Variants in MAP4K1 observed in about 807,000 individuals in gnomAD.
MAP4K1 encodes mitogen-activated protein kinase kinase kinase kinase 1, also known as MAPK/ERK kinase kinase kinase 1.
In MAP4K1, 35 loss-of-function variants were observed where a neutral mutation model predicts 122.8. The ratio of observed to expected loss-of-function variants is 0.29; its 90% CI spans 0.22 to 0.38. MAP4K1 has a LOEUF of 0.38. Ranked by LOEUF, MAP4K1 falls within the 10% of genes least tolerant of loss-of-function variation. The pLI is 1.00. For missense variants in MAP4K1, 791 were observed against 1,072.6 expected (o/e 0.74, Z 3.67); for synonymous variants, 412 against 421.3 (o/e 0.98, Z 0.27).
At position 38,597,186 on chromosome 19, in the gene MAP4K1, C is replaced by G; in HGVS notation, c.1838-49G>C. 6.2e-7 allele frequency: 1 copy of G among 1,602,366 alleles called. No homozygotes were observed. On this transcript the variant is annotated intron_variant, in intron 24 of 30. Transcript: ENST00000396857. The surrounding 1 kb of genome is among the most constrained non-coding windows in gnomAD (Gnocchi z 4.6). ...CAAGATCAATGCCCTCTATCCTCCT[C>G]GCCACCCACACTACCACCCATCTTC... is the stretch of plus-strand genomic sequence containing the variant.
At chr19:38,610,316 G>A (rs945905728) in intron 11 of MAP4K1, among the ~76,000 whole-genome samples, 4 of 149,602 alleles carry the variant, frequency 2.7e-5, no homozygotes, top group South Asian at 4.2e-4. Context: ...ATTGATTCTC[G>A]TGCCTCAGCC....
chr19:38,590,442 C>A (rs1228173360), intron 30 of MAP4K1, among the ~76,000 whole-genome samples: 1 of 98,322 alleles, frequency 1.0e-5, no homozygotes, highest in African/African-American at 3.9e-5. Flanking sequence ...TATATAATCA[C>A]GGGCGTCACT....
intron 8 of MAP4K1, 98 bp downstream of exon 8, chr19:38,613,782 C>A: frequency 1.1e-6 from 1 of 902,304 alleles, no homozygotes; most frequent in Non-Finnish European, 1.7e-6. Flanking sequence ...AAGGACGAGG[C>A]AGGGGAACGG....
chr19:38,602,127 G>A (rs1335781773), intron 19 of MAP4K1, among the ~76,000 whole-genome samples: 1 of 152,070 alleles, frequency 6.6e-6, no homozygotes, highest in Non-Finnish European at 1.5e-5. Context: ...CCAGGCTGGA[G>A]TGCAGTGATG....
At chr19:38,612,843 A>G in intron 8 of MAP4K1, 101 bp from the exon 9 acceptor site, 1 of 1,283,166 alleles carries the variant, frequency 7.8e-7, no homozygotes, top group South Asian at 1.3e-5. Flanking sequence ...CAGCACACAG[A>G]GAGTCAGATG....
intron 30 of MAP4K1, among the ~76,000 whole-genome samples, chr19:38,591,326 C>G (rs999585834): frequency 6.6e-6 from 1 of 151,450 alleles, no homozygotes; most frequent in African/African-American, 2.4e-5. Context: ...GTCAAGAGTT[C>G]GAGACCAGCC....
Position 38,607,858 on chromosome 19 carries a change from A to G in MAP4K1, c.1157+6T>C, listed in dbSNP as rs992096439. 59 of 1,610,672 alleles carry G rather than the reference A, an allele frequency of 3.7e-5. No individual in the cohort carries two copies. Among genetic ancestry groups the G allele is most frequent in the Non-Finnish European group, 4.9e-5 (58 of 1,178,760 alleles). The stretch of plus-strand genomic sequence containing the variant: ...CCTGTGGAGCTGCAGGCAGGGCCTC[A>G]CTTACATGTCCACGTCGTCATAGTC... On this transcript the variant is annotated splice_donor_region_variant and intron_variant, in intron 16 of 30. Coordinates refer to ENST00000396857, the MANE Select transcript of MAP4K1 (RefSeq NM_001042600.3).
intron 30 of MAP4K1, among the ~76,000 whole-genome samples, chr19:38,592,958 G>A (rs1380660784): frequency 6.7e-6 from 1 of 150,066 alleles, no homozygotes; most frequent in African/African-American, 2.5e-5. Context: ...AGAATTGCTG[G>A]GCATGGTGGC....
intron 19 of MAP4K1, among the ~76,000 whole-genome samples, chr19:38,603,339 CATATATACACATATACAT>C (rs1568632573): frequency 1.3e-5 from 2 of 149,996 alleles, no homozygotes; most frequent in African/African-American, 2.5e-5. Flanking sequence ...TACGCATATA[CATATATACACATATACAT>C]ATATACACAC....
chr19:38,609,559 G>A (rs914564990), intron 13 of MAP4K1, 37 bp downstream of exon 13: 2 of 1,584,542 alleles, frequency 1.3e-6, no homozygotes, highest in African/African-American at 2.7e-5. Context: ...TCTATTATAG[G>A]GTCAGGTGTC....
At chr19:38,595,126 T>C (rs1229573460) in intron 29 of MAP4K1, among the ~76,000 whole-genome samples, 2 of 150,936 alleles carry the variant, frequency 1.3e-5, no homozygotes, top group Non-Finnish European at 2.9e-5. Flanking sequence ...CCGTCTCTAC[T>C]GAAAATACAA....
At chr19:38,598,320 C>G (rs138750985) in intron 22 of MAP4K1, among the ~76,000 whole-genome samples, 1 of 151,488 alleles carries the variant, frequency 6.6e-6, no homozygotes, top group East Asian at 2.0e-4. Flanking sequence ...TGTGAACCAC[C>G]GCACCCGGCC....
intron 26 of MAP4K1, 33 bp downstream of exon 26, chr19:38,596,279 G>A: frequency 6.6e-7 from 1 of 1,516,894 alleles, no homozygotes; most frequent in African/African-American, 1.4e-5. Flanking sequence ...GATCTGATAA[G>A]CCCCGCCCTC....
intron 11 of MAP4K1, 88 bp downstream of exon 11, chr19:38,610,963 T>G: frequency 8.4e-7 from 1 of 1,186,964 alleles, no homozygotes; most frequent in Non-Finnish European, 1.2e-6. Flanking sequence ...CCACGGGGAC[T>G]CCATGGAACA....
At position 38,596,081 on chromosome 19, in the gene MAP4K1, T is replaced by C. The variant is rs965738143; in HGVS notation, c.2117-80A>G. The C allele has an allele frequency of 1.1e-5, 16 of 1,455,842 alleles. No individual in the cohort carries two copies. In the African/African-American group the frequency reaches 2.1e-4, roughly 19 times the overall value. 90.2% of individuals were successfully genotyped at this position (1,455,842 alleles called of 1,614,324 possible). ...ACCACCCCCAGAAGGCCAGTACCTG[T>C]GCTTTAGCCACCGCCTCAGTTCACA... On this transcript the variant is annotated intron_variant, in intron 26 of 30. Transcript: ENST00000396857.
chr19:38,604,128 CAAA>C (rs200072842), intron 19 of MAP4K1, among the ~76,000 whole-genome samples: 1,282 of 53,234 alleles, frequency 0.024, 10 homozygotes, highest in African/African-American at 0.072. Flanking sequence ...GATACTATCT[CAAA>C]AAAAAAAAAA....
intron 19 of MAP4K1, among the ~76,000 whole-genome samples, chr19:38,603,072 A>T (rs534499694): frequency 1.6e-5 from 2 of 122,672 alleles, no homozygotes; most frequent in African/African-American, 6.2e-5. Flanking sequence ...ATACACATAT[A>T]CATATATACA....
chr19:38,613,968 G>T lies in MAP4K1; in HGVS notation c.461-16C>A. 1.9e-6 allele frequency: 3 copies of T among 1,613,870 alleles called. No individual in the cohort carries two copies. In the African/African-American group the frequency reaches 4.0e-5, roughly 22 times the overall value. On this transcript the variant is annotated splice_polypyrimidine_tract_variant and intron_variant, in intron 7 of 30. Coordinates refer to ENST00000396857, the MANE Select transcript of MAP4K1 (RefSeq NM_001042600.3). ...CCAAAGTCAGCTGGAAGCAGAGGGA[G>T]ACATAGTGATCTGGGGTCCACTGCG...
chr19:38,600,250 GC>G, intron 20 of MAP4K1, 97 bp from the exon 21 acceptor site: 2 of 943,820 alleles, frequency 2.1e-6, no homozygotes, highest in South Asian at 2.8e-5. Flanking sequence ...TCTGTCCCCA[GC>G]TCTGACCCTC....
Sources: gnomAD v4.1 joint callset for allele counts (sites outside exome capture counted in the v4.1 genomes callset) on GRCh38, gnomAD v4.1.1 for gene constraint, Gnocchi (gnomAD v3.1) non-coding constraint, MANE v1.5 for transcripts, NCBI Gene and HGNC (gene_info 2026-07-23, HGNC 2026-07-21) for gene names.